WNT9A: variants seen among roughly 807,000 people sequenced by gnomAD.
WNT9A encodes Wnt family member 9A.
A neutral mutation model predicts 31.4 loss-of-function variants in WNT9A; 8 were observed. That is an observed-to-expected ratio of 0.26 (90% CI 0.15 to 0.46). The LOEUF is 0.46. Among genes scored for constraint, WNT9A ranks in the 20% least tolerant of loss-of-function variants. The probability of loss-of-function intolerance (pLI) is 0.99; values close to 1 mark genes in which losing one functional copy is unlikely to be tolerated. For missense variants in WNT9A, 457 were observed against 522.9 expected (o/e 0.87, Z 1.23); for synonymous variants, 236 against 220.1 (o/e 1.07, Z -0.64).
intron 1 of WNT9A, among the ~76,000 whole-genome samples, chr1:227,944,284 G>A (rs566102177): frequency 7.9e-5 from 12 of 152,214 alleles, no homozygotes; most frequent in Non-Finnish European, 1.2e-4. Context: ...CACGGCATAG[G>A]ATTCCATTTC....
In WNT9A at chr1:227,921,987, C is replaced by A; in HGVS notation, c.629G>T (p.Gly210Val). 5 of 1,607,426 alleles carry A rather than the reference C, an allele frequency of 3.1e-6. No individual in the cohort carries two copies. In the South Asian group the frequency reaches 3.3e-5, roughly 11 times the overall value. The change falls in exon 4 of 4, where the codon GGG becomes GTG. Residue 210 changes from glycine to valine, a missense_variant. Coordinates refer to ENST00000272164, the MANE Select transcript of WNT9A (RefSeq NM_003395.4). ...GTGGCACTTGCAGGTGGTCTCCACC[C>A]CAGCCTTGATCACCTGGCAGAAGGG... The part of the protein sequence containing the change: ...NLVGVKVIKA[G>V]VETTCKCHGV...
At chr1:227,929,117 G>A (rs1666467436) in intron 1 of WNT9A, among the ~76,000 whole-genome samples, 1 of 152,114 alleles carries the variant, frequency 6.6e-6, no homozygotes, top group African/African-American at 2.4e-5. Context: ...GAAACCAACT[G>A]GCTCTTCAAA....
At chr1:227,941,921 G>C (rs996640658) in intron 1 of WNT9A, among the ~76,000 whole-genome samples, 1 of 152,078 alleles carries the variant, frequency 6.6e-6, no homozygotes, top group African/African-American at 2.4e-5. Context: ...AACAGGTGTC[G>C]CTTTCCCGCA....
In WNT9A at chr1:227,921,347, G is replaced by A; in HGVS notation, c.*171C>T. On this transcript the variant is annotated 3_prime_UTR_variant, in exon 4 of 4. Coordinates refer to ENST00000272164, the MANE Select transcript of WNT9A (RefSeq NM_003395.4). The stretch of plus-strand genomic sequence containing the variant: ...ACTCACCCCACGCTGCTAGGTCTGA[G>A]CCCAGGGACTCAGCCCATGCAGGTG... 9.2e-7 allele frequency: 1 copy of A among 1,088,326 alleles called. No homozygotes were observed. Among genetic ancestry groups the A allele is most frequent in the Non-Finnish European group, 1.3e-6 (1 of 774,836 alleles). 67.4% of individuals were successfully genotyped at this position (1,088,326 alleles called of 1,614,324 possible). A position where few individuals can be genotyped will look rare whatever the true frequency, so the allele number is the denominator to read the frequency against.
intron 1 of WNT9A, among the ~76,000 whole-genome samples, chr1:227,936,012 A>G (rs1446677474): frequency 6.6e-6 from 1 of 152,118 alleles, no homozygotes; most frequent in Non-Finnish European, 1.5e-5. Flanking sequence ...CACTACCTCC[A>G]TGGCACCTTC....
At chr1:227,927,567 G>A (rs1368477782) in intron 1 of WNT9A, among the ~76,000 whole-genome samples, 1 of 152,184 alleles carries the variant, frequency 6.6e-6, no homozygotes, top group African/African-American at 2.4e-5. Context: ...CTAGGGATGG[G>A]ATGTCCCAGG....
At position 227,947,877 on chromosome 1, in the gene WNT9A, C is replaced by G. The variant is rs1177222646; in HGVS notation, c.11G>C (p.Gly4Ala). 9.3e-7 allele frequency: 1 copy of G among 1,080,946 alleles called. No homozygotes were observed. The highest frequency in any genetic ancestry group is 1.7e-5 in the African/African-American group (1 of 59,138). The allele number at this position is 1,080,946 out of a possible 1,614,324, so 67.0% of individuals were successfully genotyped here. Residue 4 changes from glycine (G) to alanine (A), a missense_variant, in exon 1 of 4, where the codon GGG becomes GCG. Coordinates refer to ENST00000272164, the MANE Select transcript of WNT9A (RefSeq NM_003395.4). Reference sequence around the variant, plus strand: ...GGCCAGCCAGCGCGCCAGCGGGGACCCATCCAGCATCTTGCCGCGCCTCGG... The same window carrying G: ...GGCCAGCCAGCGCGCCAGCGGGGACGCATCCAGCATCTTGCCGCGCCTCGG... MLD[G>A]SPLARWLAAA...
At chr1:227,927,878 G>C (rs533065875) in intron 1 of WNT9A, among the ~76,000 whole-genome samples, 1 of 152,124 alleles carries the variant, frequency 6.6e-6, no homozygotes. Flanking sequence ...CAGGGGACAG[G>C]GGGAGGGGAG....
chr1:227,946,360 C>T (rs899896172), intron 1 of WNT9A, among the ~76,000 whole-genome samples: 3 of 152,218 alleles, frequency 2.0e-5, no homozygotes, highest in African/African-American at 7.2e-5. Flanking sequence ...GGGTGTGTCC[C>T]CAGCCCAAGA....
In WNT9A at chr1:227,928,739, T is replaced by C. The variant is rs1459446170; in HGVS notation, c.96-3220A>G. Among the ~76,000 whole-genome samples, 1 of 152,160 alleles carries C rather than the reference T, an allele frequency of 6.6e-6. No homozygotes were observed. The highest frequency in any genetic ancestry group is 6.5e-5 in the Admixed American group (1 of 15,284). On this transcript the variant is annotated intron_variant, in intron 1 of 3. Transcript: ENST00000272164. This position sits in a 1 kb window ranked among gnomAD's most constrained non-coding sequence, Gnocchi z 4.5. ...GGCAGGGCTTCCAGGTGGGGCTCTC[T>C]TTCTGCCACACGACAGAGCCACAGA...
chr1:227,947,515 AG>A (rs1205004647), intron 1 of WNT9A, among the ~76,000 whole-genome samples: 3 of 151,706 alleles, frequency 2.0e-5, no homozygotes, highest in Non-Finnish European at 4.4e-5. Flanking sequence ...CCTAAGCGCG[AG>A]GCAGTCCTGC....
rs891664092 is a variant in WNT9A, at chr1:227,942,845, C to T, written c.95+4948G>A. Among the ~76,000 whole-genome samples, 9 of 152,304 alleles carry T rather than the reference C, an allele frequency of 5.9e-5. No individual in the cohort carries two copies. The highest frequency in any genetic ancestry group is 2.1e-4 in the South Asian group (1 of 4,834). ...CCCGGCCCACAGTGCTCAGAGCACC[C>T]GACCCAGGCCCCAGCCATGGGGTCA... On this transcript the variant is annotated intron_variant, in intron 1 of 3. Transcript: ENST00000272164. The surrounding 1 kb of genome is among the most constrained non-coding windows in gnomAD (Gnocchi z 5.7).
At chr1:227,938,995 C>T (rs544898905) in intron 1 of WNT9A, among the ~76,000 whole-genome samples, 67 of 152,324 alleles carry the variant, frequency 4.4e-4, no homozygotes, top group Non-Finnish European at 8.4e-4. Context: ...CTGCTCTCCC[C>T]GGTGAAGGGC....
intron 1 of WNT9A, among the ~76,000 whole-genome samples, chr1:227,938,465 A>G (rs1270299237): frequency 3.3e-5 from 5 of 151,664 alleles, no homozygotes; most frequent in African/African-American, 9.7e-5. Flanking sequence ...ACATGCATAC[A>G]CACATCCACA....
intron 1 of WNT9A, among the ~76,000 whole-genome samples, chr1:227,927,099 T>C (rs74140818): frequency 0.015 from 2,285 of 152,222 alleles, 22 homozygotes; most frequent in African/African-American, 0.029. Flanking sequence ...GTCTGCTTCT[T>C]CAGGATGCTC....
Position 227,925,621 on chromosome 1 carries a change from C to T in WNT9A, c.96-102G>A, listed in dbSNP as rs145123434. ...GGTACAGGGGACAGGCGTGTCCATC[C>T]GGGGGTGAGGGGGCAGAAAGAATCC... On this transcript the variant is annotated intron_variant, in intron 1 of 3. Transcript: ENST00000272164. This position sits in a 1 kb window ranked among gnomAD's most constrained non-coding sequence, Gnocchi z 6.0. The T allele has an allele frequency of 5.0e-6, 7 of 1,412,434 alleles. No homozygotes were observed. The highest frequency in any genetic ancestry group is 1.5e-5 in the African/African-American group (1 of 68,516). The allele number at this position is 1,412,434 out of a possible 1,614,324, so 87.5% of individuals were successfully genotyped here.
At chr1:227,922,142 C>G (rs1666330763) in intron 3 of WNT9A, 142 bp from the exon 4 acceptor site, 2 of 1,301,942 alleles carry the variant, frequency 1.5e-6, no homozygotes, top group East Asian at 2.5e-5. Context: ...CACTGCACAT[C>G]TCACATCCAG....
At chr1:227,929,080 G>T (rs1666466737) in intron 1 of WNT9A, among the ~76,000 whole-genome samples, 1 of 152,092 alleles carries the variant, frequency 6.6e-6, no homozygotes, top group Admixed American at 6.5e-5. Context: ...GACAGACAAA[G>T]GGTATAAACC....
intron 1 of WNT9A, among the ~76,000 whole-genome samples, chr1:227,932,884 G>A (rs1021114816): frequency 3.3e-5 from 5 of 152,304 alleles, no homozygotes; most frequent in South Asian, 4.1e-4. Context: ...TGCTGTCATC[G>A]AGGCTTTGTT....
Sources: gnomAD v4.1 joint callset for allele counts (sites outside exome capture counted in the v4.1 genomes callset) on GRCh38, gnomAD v4.1.1 for gene constraint, Gnocchi (gnomAD v3.1) non-coding constraint, MANE v1.5 for transcripts, NCBI Gene and HGNC (gene_info 2026-07-23, HGNC 2026-07-21) for gene names.